ZYG11B: variants seen among roughly 807,000 people sequenced by gnomAD.
ZYG11B encodes the protein protein zyg-11 homolog B.
ZYG11B carries 36 observed loss-of-function variants against 82.4 expected under a neutral mutation model. The ratio of observed to expected loss-of-function variants is 0.44; its 90% CI spans 0.33 to 0.58. The LOEUF (loss-of-function observed/expected upper bound fraction) is 0.58, where lower values mean the gene tolerates loss of function less well. Among genes scored for constraint, ZYG11B ranks in the 20% least tolerant of loss-of-function variants. The pLI, the probability that ZYG11B is intolerant of heterozygous loss-of-function variation, is 0.02. For synonymous variants in ZYG11B, 303 were observed against 312.8 expected, an observed-to-expected ratio of 0.97 and a Z score of 0.33; for missense variants, 552 against 895.6, an observed-to-expected ratio of 0.62 and a Z score of 4.90.
intron 10 of ZYG11B, among the ~76,000 whole-genome samples, chr1:52,806,152 C>T (rs546036737): frequency 1.1e-4 from 16 of 152,058 alleles, no homozygotes; most frequent in African/African-American, 3.9e-4. Context: ...TTGAGTCCTT[C>T]TGAATTTATT....
chr1:52,804,734 T>A (rs11206021), intron 10 of ZYG11B, among the ~76,000 whole-genome samples: 5,652 of 152,270 alleles, frequency 0.037, 324 homozygotes, highest in African/African-American at 0.13. Flanking sequence ...TTTTATCAGC[T>A]TAATTGCTGT....
chr1:52,763,843 G>A (rs968564506), intron 2 of ZYG11B, among the ~76,000 whole-genome samples: 2 of 152,154 alleles, frequency 1.3e-5, no homozygotes, highest in Non-Finnish European at 2.9e-5. Flanking sequence ...ATCTTGACAT[G>A]TTCAGCCTTC....
Position 52,821,456 on chromosome 1 carries a change from A to G in ZYG11B, c.2062A>G (p.Met688Val). The G allele has an allele frequency of 6.3e-7, 1 of 1,593,224 alleles. No individual in the cohort carries two copies. Among genetic ancestry groups the G allele is most frequent in the Non-Finnish European group, 8.6e-7 (1 of 1,167,462 alleles). The change falls in exon 14 of 14, where the codon ATG (methionine) becomes GTG (valine). Residue 688 changes from methionine (M) to valine (V), a missense_variant. By Grantham distance (21) the Met-to-Val change is conservative. Coordinates refer to ENST00000294353, the MANE Select transcript of ZYG11B (RefSeq NM_024646.3). ...TTTTTCAGCTTCAAGGTATTGCAGCATGCTGATTGAAGAAGGAGGATTGCA... is the reference window on the plus strand; with the variant it reads ...TTTTTCAGCTTCAAGGTATTGCAGCGTGCTGATTGAAGAAGGAGGATTGCA... Reference protein sequence around the residue: ...CSKNPSRYCSMLIEEGGLQHL... With the variant: ...CSKNPSRYCSVLIEEGGLQHL...
Position 52,813,882 on chromosome 1 carries a change from C to G in ZYG11B, c.1916C>G (p.Pro639Arg), listed in dbSNP as rs1645203270. 1.9e-6 allele frequency: 3 copies of G among 1,613,932 alleles called. No homozygotes were observed. The African/African-American group carries it at 4.0e-5, about 22-fold the overall frequency. ...CAGCATTCAGCTATTTTGAAATGGC[C>G]AACTCCAGAGTGTGAGATGGTAGCA... ...DDLHSAILKW[P>R]TPECEMVAYR... The change falls in exon 12 of 14, where the codon CCA becomes CGA. Residue 639 changes from proline (P) to arginine (R), a missense_variant. Pro to Arg is a moderately radical substitution (Grantham distance 103, BLOSUM62 -2). Coordinates refer to ENST00000294353, the MANE Select transcript of ZYG11B (RefSeq NM_024646.3).
rs558916031 is a variant in ZYG11B, at chr1:52,770,980, A to T, written c.197-40A>T. The T allele has an allele frequency of 5.8e-6, 9 of 1,564,602 alleles. No homozygotes were observed. The South Asian group carries it at 1.1e-4, about 19-fold the overall frequency. On this transcript the variant is annotated intron_variant, in intron 2 of 13. Transcript: ENST00000294353. ...TGATGGAAATTTTGGCTATTCTTTAACTGTTTTTTGAATTTAAAACGCTGC... is the reference window on the plus strand; with the variant it reads ...TGATGGAAATTTTGGCTATTCTTTATCTGTTTTTTGAATTTAAAACGCTGC...
chr1:52,762,304 C>T (rs1644638859), intron 2 of ZYG11B, among the ~76,000 whole-genome samples: 1 of 150,286 alleles, frequency 6.7e-6, no homozygotes, highest in East Asian at 2.0e-4. Flanking sequence ...AACCCCCAGG[C>T]TCAAGCAATC....
At chr1:52,756,720 A>G in intron 2 of ZYG11B, 97 bp downstream of exon 2, 1 of 1,251,568 alleles carries the variant, frequency 8.0e-7, no homozygotes. Flanking sequence ...CTTAGAAATA[A>G]CTGAGAAGGC....
chr1:52,766,992 G>A (rs1256743723), intron 2 of ZYG11B, among the ~76,000 whole-genome samples: 2 of 146,500 alleles, frequency 1.4e-5, no homozygotes, highest in Non-Finnish European at 3.0e-5. Context: ...TGGGTGAAAA[G>A]CGAGACTCCG....
chr1:52,797,432 TA>T (rs1645033341), intron 8 of ZYG11B, among the ~76,000 whole-genome samples: 1 of 113,448 alleles, frequency 8.8e-6, no homozygotes, highest in East Asian at 2.6e-4. Flanking sequence ...ACATATTATA[TA>T]TAACATATAT....
chr1:52,726,745 C>A, intron 1 of ZYG11B, 62 bp downstream of exon 1: 1 of 1,413,158 alleles, frequency 7.1e-7, no homozygotes, highest in Non-Finnish European at 9.2e-7. Context: ...GCCCGTCGCG[C>A]TGGCCCCTGC....
At chr1:52,743,913 A>G (rs1644455162) in intron 1 of ZYG11B, among the ~76,000 whole-genome samples, 1 of 151,426 alleles carries the variant, frequency 6.6e-6, no homozygotes, top group Admixed American at 6.6e-5. Context: ...TTCTATGCCT[A>G]TCCCTACTGT....
intron 3 of ZYG11B, among the ~76,000 whole-genome samples, chr1:52,775,086 G>GT (rs927311820): frequency 2.5e-4 from 35 of 140,870 alleles, no homozygotes; most frequent in Middle Eastern, 3.6e-3. Context: ...TACTTGTCTT[G>GT]TTTTTTTTTT....
intron 5 of ZYG11B, among the ~76,000 whole-genome samples, chr1:52,787,816 G>A (rs1397652712): frequency 6.6e-6 from 1 of 151,644 alleles, no homozygotes; most frequent in Admixed American, 6.6e-5. Context: ...AAAAACCCTG[G>A]GAATTCACCT....
chr1:52,819,924 AT>A (rs1010567590), intron 13 of ZYG11B, among the ~76,000 whole-genome samples: 13 of 146,702 alleles, frequency 8.9e-5, no homozygotes, highest in African/African-American at 2.2e-4. Context: ...ATTTTATTTT[AT>A]TTTTTTTTTG....
intron 8 of ZYG11B, among the ~76,000 whole-genome samples, chr1:52,797,098 C>A (rs1159602757): frequency 2.9e-3 from 77 of 26,140 alleles, no homozygotes; most frequent in African/African-American, 0.017. Context: ...TTATATATTA[C>A]ATATTGTATA....
intron 3 of ZYG11B, among the ~76,000 whole-genome samples, chr1:52,773,475 G>GA (rs576210679): frequency 0.016 from 1,769 of 107,420 alleles, 42 homozygotes; most frequent in African/African-American, 0.051. Context: ...CTCCGTCTCA[G>GA]AAAAAAAAAA....
Position 52,814,263 on chromosome 1 carries a change from T to G in ZYG11B, c.1946+351T>G, listed in dbSNP as rs1459726754. On this transcript the variant is annotated intron_variant, in intron 12 of 13. Transcript: ENST00000294353. ...CTTGAACTCCTGACCTCAGGTGATC[T>G]GCCTGCCTGGGCCCCCCTAAGTGCT... Among the ~76,000 whole-genome samples the G allele has an allele frequency of 2.6e-5, 4 of 152,306 alleles. No individual in the cohort carries two copies. In the East Asian group the frequency reaches 7.7e-4, roughly 29 times the overall value.
At chr1:52,787,876 A>G (rs1194271029) in intron 5 of ZYG11B, among the ~76,000 whole-genome samples, 4 of 151,922 alleles carry the variant, frequency 2.6e-5, no homozygotes, top group South Asian at 2.1e-4. Context: ...TTTTTTAGCT[A>G]TTTTAACTAA....
intron 4 of ZYG11B, 92 bp downstream of exon 4, chr1:52,780,085 C>CT (rs369349726): frequency 7.8e-7 from 1 of 1,282,114 alleles, no homozygotes; most frequent in Non-Finnish European, 1.1e-6. Context: ...TGCATTTAGT[C>CT]TTTTTTTATT....
Sources: allele counts gnomAD v4.1 joint callset (sites outside exome capture counted in the v4.1 genomes callset), GRCh38; gene constraint gnomAD v4.1.1; transcripts MANE v1.5; gene names NCBI Gene and HGNC (gene_info 2026-07-23, HGNC 2026-07-21).